RTL1: variants seen among roughly 807,000 people sequenced by gnomAD.
RTL1 encodes retrotransposon-like protein 1.
For missense variants in RTL1, 1,681 were observed against 1,767.5 expected, an observed-to-expected ratio of 0.95 and a Z score of 0.88; for synonymous variants, 727 against 748.4, an observed-to-expected ratio of 0.97 and a Z score of 0.47.
At position 100,883,458 on chromosome 14, in the gene RTL1, T is replaced by C; in HGVS notation, c.1331A>G (p.Gln444Arg). ...DGNFMDEKFA[Q>R]EHYVELYEKP... ...CTCGTAGAGCTCGACGTAGTGCTCT[T>C]GGGCGAACTTCTCATCCATGAAGTT... Residue 444 changes from glutamine (Q) to arginine (R), a missense_variant, in exon 4 of 4, where the codon CAA (glutamine) becomes CGA (arginine). Physicochemically the swap from Gln to Arg is conservative, Grantham distance 43. Transcript: ENST00000649591. This position sits in a 1 kb window ranked among gnomAD's most constrained non-coding sequence, Gnocchi z 5.9. The C allele has an allele frequency of 1.3e-6, 2 of 1,551,216 alleles. No individual in the cohort carries two copies. Among genetic ancestry groups the C allele is most frequent in the African/African-American group, 1.4e-5 (1 of 73,160 alleles).
At chr14:100,894,324 AAAG>A (rs1348209346) in intron 2 of RTL1, among the ~76,000 whole-genome samples, 3 of 136,098 alleles carry the variant, frequency 2.2e-5, no homozygotes, top group Non-Finnish European at 3.2e-5. Context: ...AAAAAAAAAA[AAAG>A]AAAAAAAAAG....
intron 2 of RTL1, among the ~76,000 whole-genome samples, chr14:100,896,555 C>G (rs753568550): frequency 6.7e-6 from 1 of 148,772 alleles, no homozygotes; most frequent in East Asian, 2.1e-4. Flanking sequence ...GAGCCTGTGA[C>G]GGCTGCAGGG....
At chr14:100,887,320 C>T (rs564954678) in intron 3 of RTL1, among the ~76,000 whole-genome samples, 2 of 152,320 alleles carry the variant, frequency 1.3e-5, no homozygotes, top group African/African-American at 4.8e-5. Flanking sequence ...CTTATAACTT[C>T]TGCTTAAAGC....
chr14:100,890,682 T>C (rs1198876042), intron 3 of RTL1, among the ~76,000 whole-genome samples: 4 of 152,022 alleles, frequency 2.6e-5, no homozygotes, highest in Non-Finnish European at 5.9e-5. Flanking sequence ...CCAGGATGGG[T>C]GTCAGGTGAA....
intron 2 of RTL1, among the ~76,000 whole-genome samples, chr14:100,901,095 G>A (rs77612631): frequency 1.3e-5 from 2 of 152,302 alleles, no homozygotes; most frequent in East Asian, 1.9e-4. Flanking sequence ...CAGCTGTGGC[G>A]ACCCCAGGGC....
At chr14:100,891,792 A>G (rs1231965810) in intron 3 of RTL1, among the ~76,000 whole-genome samples, 3 of 152,160 alleles carry the variant, frequency 2.0e-5, no homozygotes, top group African/African-American at 7.2e-5. Flanking sequence ...CTCCTAGCCT[A>G]GATGGGCTCT....
chr14:100,889,800 C>T (rs1405396513), intron 3 of RTL1: 1 of 152,184 alleles, frequency 6.6e-6, no homozygotes, highest in East Asian at 1.9e-4. Flanking sequence ...GTTCCCTCCA[C>T]ACCTGCTGAG....
chr14:100,880,537 G>T lies in RTL1; in HGVS notation c.*175C>A. On this transcript the variant is annotated 3_prime_UTR_variant, in exon 4 of 4. Transcript: ENST00000649591. ...ACTGGGTAGTCCGTTAGCACAGGTG[G>T]CATTGCTGGTTGATGAGTTGAAGAA... 7.8e-7 allele frequency: 1 copy of T among 1,278,868 alleles called. No individual in the cohort carries two copies. Among genetic ancestry groups the T allele is most frequent in the Non-Finnish European group, 1.0e-6 (1 of 952,758 alleles). 79.2% of individuals were successfully genotyped at this position (1,278,868 alleles called of 1,614,324 possible).
In RTL1 at chr14:100,880,122, TGTG is replaced by T. The variant is rs1287854412; in HGVS notation, c.*587_*589del. 5.2e-4 allele frequency among the ~76,000 whole-genome samples: 32 copies of T among 60,986 alleles called. No individual in the cohort carries two copies. The highest frequency in any genetic ancestry group is 2.0e-3 in the African/African-American group (32 of 15,742). The allele number at this position is 60,986 out of a possible 152,430, so 40.0% of individuals were successfully genotyped here. ...GCGGGGTCAAAAAAGCTGAAGCAGATGTGGTGGGGGTGGGGGTGGGTTTGCTTG... is the reference window on the plus strand; with the variant it reads ...GCGGGGTCAAAAAAGCTGAAGCAGATGTGGGGGTGGGGGTGGGTTTGCTTG... On this transcript the variant is annotated 3_prime_UTR_variant, in exon 4 of 4. Coordinates refer to ENST00000649591, the MANE Select transcript of RTL1 (RefSeq NM_001134888.3).
rs1185438660 is a variant in RTL1, at chr14:100,881,003, GTTGTCCTGC to G, written c.3777_3785del (p.Lys1259_Asp1261del). 2.5e-6 allele frequency: 4 copies of G among 1,574,744 alleles called. 1 individual carries two copies. The highest frequency in any genetic ancestry group is 3.5e-4 in the Middle Eastern group (2 of 5,790). ...GGCTGGGTGGGGCCTCCTGCACGTC[GTTGTCCTGC>G]TTGTCCTGCGAGGTGTCTTGCAGGC... is the stretch of plus-strand genomic sequence containing the variant. On this transcript the variant is annotated inframe_deletion, in exon 4 of 4. Transcript: ENST00000649591. The surrounding 1 kb of genome is among the most constrained non-coding windows in gnomAD (Gnocchi z 6.6).
At chr14:100,902,628 G>GCAGCAGTAGGCAGCCA (rs1447565017) in intron 2 of RTL1, among the ~76,000 whole-genome samples, 1 of 152,180 alleles carries the variant, frequency 6.6e-6, no homozygotes, top group Non-Finnish European at 1.5e-5. Flanking sequence ...AGCAGCAGCA[G>GCAGCAGTAGGCAGCCA]CAGCAGTAGG....
At chr14:100,888,256 A>G (rs1392066183) in intron 3 of RTL1, among the ~76,000 whole-genome samples, 1 of 152,200 alleles carries the variant, frequency 6.6e-6, no homozygotes, top group Non-Finnish European at 1.5e-5. Flanking sequence ...CATCTTTATC[A>G]TAGAGATCCT....
intron 3 of RTL1, chr14:100,889,727 C>A (rs1467872341): frequency 6.6e-6 from 1 of 152,244 alleles, no homozygotes; most frequent in East Asian, 1.9e-4. Flanking sequence ...AGATGAGACT[C>A]ATGTCCTGGA....
At position 100,880,836 on chromosome 14, in the gene RTL1, A is replaced by T. The variant is rs755281747; in HGVS notation, c.3953T>A (p.Leu1318Gln). 3.9e-6 allele frequency: 6 copies of T among 1,550,548 alleles called. No individual in the cohort carries two copies. The highest frequency in any genetic ancestry group is 5.2e-6 in the Non-Finnish European group (6 of 1,146,954). The change falls in exon 4 of 4, where the codon CTG becomes CAG. Residue 1318 changes from leucine (L) to glutamine (Q), a missense_variant. Leu to Gln is a moderately radical substitution (Grantham distance 113). Transcript: ENST00000649591. ...GTAGATCAGGGTCAGGAACTGGCTC[A>T]GGGCCCTGGCTGCCTGCTCCCGGCT... ...LLSREQAARA[L>Q]SQFLTLIYRR... is the part of the protein sequence containing the mutation.
Position 100,886,214 on chromosome 14 carries a change from TA to T in RTL1, c.-86-1341del, listed in dbSNP as rs11400270. Among the ~76,000 whole-genome samples the T allele has an allele frequency of 6.3e-3, 828 of 131,792 alleles. 2 individuals carry two copies. Among genetic ancestry groups the T allele is most frequent in the African/African-American group, 0.012 (442 of 36,794 alleles). The allele number at this position is 131,792 out of a possible 152,430, so 86.5% of individuals were successfully genotyped here. On this transcript the variant is annotated intron_variant, in intron 3 of 3. Transcript: ENST00000649591. ...TCTTCTAAGCCACTGGACCCATCCG[TA>T]AAAAAAAAAAAAAAAACTGCGTTCC...
chr14:100,892,286 G>T (rs754304), intron 3 of RTL1, among the ~76,000 whole-genome samples: 30 of 152,000 alleles, frequency 2.0e-4, no homozygotes, highest in Non-Finnish European at 3.4e-4. Context: ...AAACAAGGAG[G>T]GCCCCACCTC....
In RTL1 at chr14:100,882,642, A is replaced by G; in HGVS notation, c.2147T>C (p.Ile716Thr). Residue 716 changes from isoleucine to threonine, a missense_variant, in exon 4 of 4, where the codon ATT (isoleucine) becomes ACT (threonine). Coordinates refer to ENST00000649591, the MANE Select transcript of RTL1 (RefSeq NM_001134888.3). The stretch of plus-strand genomic sequence containing the variant: ...TAGCATGTCCTTTAGGATGAAGTGA[A>G]TCACGTTCTGAGGTATGATAGGGTC... ...SPDPIIPQNV[I>T]HFILKDMLGF... 1 of 1,551,924 alleles carries G rather than the reference A, an allele frequency of 6.4e-7. No individual in the cohort carries two copies. The highest frequency in any genetic ancestry group is 8.7e-7 in the Non-Finnish European group (1 of 1,147,068).
Position 100,881,983 on chromosome 14 carries a change from G to A in RTL1, c.2806C>T (p.Arg936Cys), listed in dbSNP as rs2038621303. The A allele has an allele frequency of 1.5e-5, 24 of 1,613,552 alleles. No individual in the cohort carries two copies. The highest frequency in any genetic ancestry group is 1.9e-5 in the Non-Finnish European group (23 of 1,179,930). Residue 936 changes from arginine (R) to cysteine (C), a missense_variant, in exon 4 of 4, where the codon CGC (arginine) becomes TGC (cysteine). By Grantham distance (180) the Arg-to-Cys change is radical. Transcript: ENST00000649591. The surrounding 1 kb of genome is among the most constrained non-coding windows in gnomAD (Gnocchi z 6.6). ...PIRAAFMVWCRYLENTEEPIM... is the reference protein window; with the variant it reads ...PIRAAFMVWCCYLENTEEPIM... ...GGCTCCTCGGTGTTCTCCAGGTAGCGGCACCACACCATGAAGGCAGCCCGT... is the reference window on the plus strand; with the variant it reads ...GGCTCCTCGGTGTTCTCCAGGTAGCAGCACCACACCATGAAGGCAGCCCGT...
chr14:100,890,074 G>GGAAAAAAAAA (rs554899525), intron 3 of RTL1, among the ~76,000 whole-genome samples: 15,114 of 122,834 alleles, frequency 0.12, 1,138 homozygotes, highest in Middle Eastern at 0.19. Flanking sequence ...CGCCTTATTT[G>GGAAAAAAAAA]AAAAAAAAAA....
Sources: allele counts gnomAD v4.1 joint callset (sites outside exome capture counted in the v4.1 genomes callset), GRCh38; gene constraint gnomAD v4.1.1; non-coding constraint Gnocchi (gnomAD v3.1); transcripts MANE v1.5; gene names NCBI Gene and HGNC (gene_info 2026-07-23, HGNC 2026-07-21).